The following DCUN1D2 variants were observed in gnomAD, a reference collection of about 807,000 sequenced individuals.
DCUN1D2 encodes the protein DCN1-like protein 2.
Under a neutral mutation model 30.9 loss-of-function variants are expected in DCUN1D2, and 29 were observed. The observed-to-expected ratio is 0.94, with a 90% confidence interval of 0.70 to 1.28. The LOEUF is 1.28. DCUN1D2 is among the 50% of genes most tolerant of loss of function. DCUN1D2 has a pLI of 0.00. For synonymous variants in DCUN1D2, 121 were observed against 115.3 expected, an observed-to-expected ratio of 1.05 and a Z score of -0.32; for missense variants, 325 against 316.9, an observed-to-expected ratio of 1.03 and a Z score of -0.19.
At chr13:113,489,971 G>C (rs1055702166) in intron 1 of DCUN1D2, among the ~76,000 whole-genome samples, 6 of 152,226 alleles carry the variant, frequency 3.9e-5, no homozygotes, top group Admixed American at 3.3e-4. Context: ...GCCTGGCCCA[G>C]CACCAGTCAC....
chr13:113,465,708 C>T (rs190022236), intron 4 of DCUN1D2, among the ~76,000 whole-genome samples: 169 of 151,156 alleles, frequency 1.1e-3, no homozygotes, highest in African/African-American at 3.9e-3. Flanking sequence ...GCTCTGTCGC[C>T]CAGGCTGGAG....
In DCUN1D2 at chr13:113,490,653, G is replaced by A. The variant is rs1390194101; in HGVS notation, c.3+14C>T. The A allele has an allele frequency of 2.2e-5, 28 of 1,245,776 alleles. No individual in the cohort carries two copies. Among genetic ancestry groups the A allele is most frequent in the Non-Finnish European group, 2.7e-5 (27 of 994,728 alleles). The allele number at this position is 1,245,776 out of a possible 1,614,324, so 77.2% of individuals were successfully genotyped here. A position where few individuals can be genotyped will look rare whatever the true frequency, so the allele number is the denominator to read the frequency against. ...CCCGACCCCGACGGGCAGAGGCGAC[G>A]CCGGGCCACCTACCATCTCCCCCGC... On this transcript the variant is annotated intron_variant, in intron 1 of 6. Transcript: ENST00000478244. The surrounding 1 kb of genome is among the most constrained non-coding windows in gnomAD (Gnocchi z 5.2).
intron 3 of DCUN1D2, among the ~76,000 whole-genome samples, chr13:113,477,418 GT>G (rs60405328): frequency 0.3 from 46,075 of 152,068 alleles, 9,098 homozygotes; most frequent in African/African-American, 0.57. Flanking sequence ...ACATGTTACC[GT>G]TTTGCTGGTT....
In DCUN1D2 at chr13:113,480,486, T is replaced by C; in HGVS notation, c.389+89A>G. The C allele has an allele frequency of 5.1e-6, 7 of 1,382,860 alleles. No individual in the cohort carries two copies. The Middle Eastern group carries it at 9.2e-4, about 181-fold the overall frequency. 85.7% of individuals were successfully genotyped at this position (1,382,860 alleles called of 1,614,324 possible). A position where few individuals can be genotyped will look rare whatever the true frequency, so the allele number is the denominator to read the frequency against. The stretch of plus-strand genomic sequence containing the variant: ...AAGATACACAAAGAAAATAAGCAGA[T>C]ATGAAATTAGTATGTACAGGTTGCT... On this transcript the variant is annotated intron_variant, in intron 3 of 6. Coordinates refer to ENST00000478244, the MANE Select transcript of DCUN1D2 (RefSeq NM_001014283.2).
intron 4 of DCUN1D2, among the ~76,000 whole-genome samples, chr13:113,473,075 GTCTC>G (rs942096268): frequency 3.3e-5 from 4 of 120,946 alleles, no homozygotes; most frequent in Admixed American, 1.0e-4. Flanking sequence ...TCTGTCCCCC[GTCTC>G]TCTATCCCTC....
At chr13:113,464,075 T>C (rs1180102202) in intron 4 of DCUN1D2, among the ~76,000 whole-genome samples, 1 of 152,250 alleles carries the variant, frequency 6.6e-6, no homozygotes, top group Non-Finnish European at 1.5e-5. Context: ...AAAACTTTTC[T>C]AAAAATAGTG....
At position 113,474,070 on chromosome 13, in the gene DCUN1D2, C is replaced by A. The variant is rs1001430777; in HGVS notation, c.520+54G>T. 11 of 1,580,460 alleles carry A rather than the reference C, an allele frequency of 7.0e-6. 1 individual carries two copies. The highest frequency in any genetic ancestry group is 3.5e-5 in the Admixed American group (2 of 57,592). ...GCACAAAAATCATGTTGCTCACGTC[C>A]ACTGAAAACCTCATTATGATCTGGC... On this transcript the variant is annotated intron_variant, in intron 4 of 6. Coordinates refer to ENST00000478244, the MANE Select transcript of DCUN1D2 (RefSeq NM_001014283.2).
rs944645938 is a variant in DCUN1D2, at chr13:113,456,641, C to T, written c.*1388G>A. 5.9e-6 allele frequency: 2 copies of T among 339,556 alleles called. No homozygotes were observed. Among genetic ancestry groups the T allele is most frequent in the Non-Finnish European group, 1.1e-5 (2 of 188,902 alleles). The allele number at this position is 339,556 out of a possible 1,614,324, so 21.0% of individuals were successfully genotyped here. ...TCCACAACTCAATACCAGCCCTCCA[C>T]ACCTCGGCAGCACTCGTGGGTCCTC... On this transcript the variant is annotated 3_prime_UTR_variant, in exon 7 of 7. Coordinates refer to ENST00000478244, the MANE Select transcript of DCUN1D2 (RefSeq NM_001014283.2).
intron 4 of DCUN1D2, among the ~76,000 whole-genome samples, chr13:113,472,389 AATCAGGGCTT>A (rs1331736969): frequency 6.6e-6 from 1 of 152,198 alleles, no homozygotes; most frequent in Non-Finnish European, 1.5e-5. Context: ...CGCTAAAAGA[AATCAGGGCTT>A]CTTGGAGAAA....
At chr13:113,461,329 C>T (rs2044314813) in intron 4 of DCUN1D2, among the ~76,000 whole-genome samples, 193 bp from the exon 5 acceptor site, 1 of 152,202 alleles carries the variant, frequency 6.6e-6, no homozygotes, top group African/African-American at 2.4e-5. Flanking sequence ...TCTGGGGAAA[C>T]TCTTTTTAAA....
rs2044310567 is a variant in DCUN1D2 at position 113,461,064 on chromosome 13, G to A, written c.593C>T (p.Thr198Ile). Residue 198 changes from threonine (T) to isoleucine (I), a missense_variant, in exon 5 of 7, where the codon ACA becomes ATA. By Grantham distance (89) the Thr-to-Ile change is moderately conservative. Transcript: ENST00000478244. ...GRFKFLDLWN[T>I]FLMEHHKRSI... ...CAGGAGGACACTTACCATTAAGAATGTGTTCCAGAGATCTAAAAATTTAAA... is the reference window on the plus strand; with the variant it reads ...CAGGAGGACACTTACCATTAAGAATATGTTCCAGAGATCTAAAAATTTAAA... 6.2e-7 allele frequency: 1 copy of A among 1,605,698 alleles called. No homozygotes were observed.
rs900226668 is a variant in DCUN1D2, at chr13:113,488,924, C to T, written c.3+1743G>A. Among the ~76,000 whole-genome samples the T allele has an allele frequency of 6.6e-6, 1 of 152,182 alleles. No homozygotes were observed. The highest frequency in any genetic ancestry group is 1.5e-5 in the Non-Finnish European group (1 of 68,030). On this transcript the variant is annotated intron_variant, in intron 1 of 6. Transcript: ENST00000478244. This position sits in a 1 kb window ranked among gnomAD's most constrained non-coding sequence, Gnocchi z 4.3. Reference sequence around the variant, plus strand: ...TGTACACAATTCTTGAAATAAAAATCTGGACAATCCAGTGGAAACAGCAAA... The same window carrying T: ...TGTACACAATTCTTGAAATAAAAATTTGGACAATCCAGTGGAAACAGCAAA...
chr13:113,478,738 C>T (rs186532579), intron 3 of DCUN1D2, among the ~76,000 whole-genome samples: 45 of 152,236 alleles, frequency 3.0e-4, no homozygotes, highest in Non-Finnish European at 3.1e-4. Context: ...CCACACATAT[C>T]CCTAGTTATC....
intron 4 of DCUN1D2, among the ~76,000 whole-genome samples, chr13:113,461,760 T>C (rs2044321975): frequency 6.6e-6 from 1 of 152,182 alleles, no homozygotes; most frequent in South Asian, 2.1e-4. Context: ...CACGGGAAGG[T>C]GGTGATTATT....
intron 4 of DCUN1D2, among the ~76,000 whole-genome samples, chr13:113,463,886 G>A (rs763820856): frequency 6.6e-6 from 1 of 152,010 alleles, no homozygotes; most frequent in Non-Finnish European, 1.5e-5. Flanking sequence ...ATGTTCCCAC[G>A]GCAGTCCATG....
chr13:113,467,250 T>A (rs947547469), intron 4 of DCUN1D2, among the ~76,000 whole-genome samples: 2 of 152,304 alleles, frequency 1.3e-5, no homozygotes, highest in Middle Eastern at 3.4e-3. Flanking sequence ...GTTTACTGTA[T>A]CTCTAGGTAG....
At position 113,480,836 on chromosome 13, in the gene DCUN1D2, A is replaced by G. The variant is rs1208458896; in HGVS notation, c.221-93T>C. ...GAATCCTAGCATTCGATTATACTAC[A>G]TAGTTCTAGCAAGCGTGTTTCCAAT... is the stretch of plus-strand genomic sequence containing the variant. On this transcript the variant is annotated intron_variant, in intron 2 of 6. Transcript: ENST00000478244. 3 of 1,356,902 alleles carry G rather than the reference A, an allele frequency of 2.2e-6. No individual in the cohort carries two copies. The African/African-American group carries it at 4.4e-5, about 20-fold the overall frequency. 84.1% of individuals were successfully genotyped at this position (1,356,902 alleles called of 1,614,324 possible).
chr13:113,477,005 A>G (rs866032381), intron 3 of DCUN1D2, among the ~76,000 whole-genome samples: 4 of 152,282 alleles, frequency 2.6e-5, no homozygotes, highest in Middle Eastern at 3.4e-3. Flanking sequence ...TCTCTGGTCT[A>G]TTTATCTGAT....
At chr13:113,483,491 C>T (rs1192991712) in intron 2 of DCUN1D2, among the ~76,000 whole-genome samples, 2 of 152,240 alleles carry the variant, frequency 1.3e-5, no homozygotes, top group Admixed American at 1.3e-4. Flanking sequence ...GAAAAAAATA[C>T]TGTATTAACA....
Sources: allele counts gnomAD v4.1 joint callset (sites outside exome capture counted in the v4.1 genomes callset), GRCh38; gene constraint gnomAD v4.1.1; non-coding constraint Gnocchi (gnomAD v3.1); transcripts MANE v1.5; gene names NCBI Gene and HGNC (gene_info 2026-07-23, HGNC 2026-07-21).